FGD4: variants seen among roughly 807,000 people sequenced by gnomAD.
The protein encoded by FGD4 is FYVE, RhoGEF and PH domain-containing protein 4.
In FGD4, 42 loss-of-function variants were observed where a neutral mutation model predicts 102.0. The observed-to-expected ratio is 0.41, with a 90% confidence interval of 0.32 to 0.53. The LOEUF is 0.53. FGD4 is among the 20% of genes least tolerant of loss of function. The pLI, the probability that FGD4 is intolerant of heterozygous loss-of-function variation, is 0.21. For missense variants in FGD4, 902 were observed against 1,078.2 expected (o/e 0.84, Z 2.29); for synonymous variants, 380 against 375.7 (o/e 1.01, Z -0.13).
intron 1 of FGD4, among the ~76,000 whole-genome samples, chr12:32,529,557 A>C (rs1454020576): frequency 6.6e-6 from 1 of 151,554 alleles, no homozygotes; most frequent in African/African-American, 2.4e-5. Flanking sequence ...TAAAGCTGAC[A>C]TTGCCGGCCG....
intron 1 of FGD4, among the ~76,000 whole-genome samples, chr12:32,516,382 G>A (rs557817703): frequency 7.2e-5 from 11 of 152,126 alleles, no homozygotes; most frequent in South Asian, 6.2e-4. Context: ...AGGCCCAAGC[G>A]ATTCTCTTAT....
chr12:32,539,287 G>A (rs1410635805), intron 1 of FGD4, among the ~76,000 whole-genome samples: 1 of 151,476 alleles, frequency 6.6e-6, no homozygotes, highest in Non-Finnish European at 1.5e-5. Flanking sequence ...ACCAATACAC[G>A]GGCCAGGTGC....
intron 10 of FGD4, among the ~76,000 whole-genome samples, chr12:32,619,315 T>C (rs1297012209): frequency 6.6e-6 from 1 of 152,132 alleles, no homozygotes; most frequent in African/African-American, 2.4e-5. Flanking sequence ...AGAATTTTTG[T>C]CTAGGGCTAC....
At chr12:32,486,924 G>A (rs762394409) in intron 1 of FGD4, among the ~76,000 whole-genome samples, 3 of 152,044 alleles carry the variant, frequency 2.0e-5, no homozygotes, top group Non-Finnish European at 2.9e-5. Context: ...ATTTTGAGGT[G>A]TTTTTCCTCT....
chr12:32,530,937 T>C (rs146432945), intron 1 of FGD4, among the ~76,000 whole-genome samples: 25,870 of 122,550 alleles, frequency 0.21, 4,220 homozygotes, highest in Middle Eastern at 0.38. Flanking sequence ...GTTTCCTAGC[T>C]TTGGTTTTTT....
intron 1 of FGD4, among the ~76,000 whole-genome samples, chr12:32,480,328 ATT>A (rs1412936848): frequency 6.6e-5 from 10 of 150,826 alleles, no homozygotes; most frequent in African/African-American, 2.0e-4. Context: ...TGCCCAGCTA[ATT>A]TTTTTGTATT....
chr12:32,549,018 A>G (rs745769491), intron 1 of FGD4, among the ~76,000 whole-genome samples: 1 of 152,242 alleles, frequency 6.6e-6, no homozygotes, highest in Non-Finnish European at 1.5e-5. Flanking sequence ...AGCTTTTCCC[A>G]AAACATGTTC....
chr12:32,419,118 C>T (rs1941535473), intron 1 of FGD4, among the ~76,000 whole-genome samples: 1 of 152,130 alleles, frequency 6.6e-6, no homozygotes, highest in African/African-American at 2.4e-5. Context: ...CAGGGCAGGT[C>T]CAGAAATGCT....
intron 1 of FGD4, among the ~76,000 whole-genome samples, chr12:32,431,786 G>A (rs1190454126): frequency 6.7e-6 from 1 of 150,348 alleles, no homozygotes; most frequent in African/African-American, 2.4e-5. Flanking sequence ...AAAAAAAAAA[G>A]AAAATAATTC....
chr12:32,520,652 G>T (rs1297358813), intron 1 of FGD4, among the ~76,000 whole-genome samples: 1 of 151,992 alleles, frequency 6.6e-6, no homozygotes, highest in Non-Finnish European at 1.5e-5. Context: ...TAGCCAGGAT[G>T]GTCTCGATCT....
chr12:32,540,478 G>A (rs1942722553), intron 1 of FGD4, among the ~76,000 whole-genome samples: 1 of 152,138 alleles, frequency 6.6e-6, no homozygotes, highest in Non-Finnish European at 1.5e-5. Context: ...ATGAGAATGT[G>A]GCTAGAGTGT....
At chr12:32,485,963 C>T in intron 1 of FGD4, 2 of 1,317,542 alleles carry the variant, frequency 1.5e-6, no homozygotes, top group South Asian at 2.2e-5. Flanking sequence ...GAACTCTGTA[C>T]TTCCCATTAG....
chr12:32,625,705 A>T lies in FGD4; in HGVS notation c.2098A>T (p.Thr700Ser). ...AAGATGGATCCGAGATAATGAAGTG[A>T]CAATGTGTATGAAATGTAAAGAACC... Reference protein sequence around the residue: ...APRWIRDNEVTMCMKCKEPFN... With the variant: ...APRWIRDNEVSMCMKCKEPFN... Residue 700 changes from threonine (T) to serine (S), a missense_variant, in exon 14 of 17, where the codon ACA (threonine) becomes TCA (serine). Transcript: ENST00000534526. 1 of 1,614,140 alleles carries T rather than the reference A, an allele frequency of 6.2e-7. No homozygotes were observed. The highest frequency in any genetic ancestry group is 8.5e-7 in the Non-Finnish European group (1 of 1,180,016).
intron 1 of FGD4, among the ~76,000 whole-genome samples, chr12:32,512,531 G>C (rs1398047129): frequency 6.6e-6 from 1 of 152,034 alleles, no homozygotes; most frequent in African/African-American, 2.4e-5. Context: ...CATCACTTGG[G>C]ACTCACACGC....
chr12:32,439,021 CTAA>C (rs1942334546), intron 1 of FGD4, among the ~76,000 whole-genome samples: 1 of 152,168 alleles, frequency 6.6e-6, no homozygotes, highest in South Asian at 2.1e-4. Flanking sequence ...TTATAATTTA[CTAA>C]TAATTATTAT....
chr12:32,519,366 TG>T (rs2136723555), intron 1 of FGD4, among the ~76,000 whole-genome samples: 1 of 152,318 alleles, frequency 6.6e-6, no homozygotes, highest in South Asian at 2.1e-4. Context: ...AATGATTGTT[TG>T]GAAATGTTCC....
Position 32,633,639 on chromosome 12 carries a change from A to C in FGD4, c.2263A>C (p.Ile755Leu), listed in dbSNP as rs764635514. The part of the protein sequence containing the change: ...SKVCKDCYQI[I>L]SGFTDSEEKK... ...AGTTTGTAAAGACTGTTATCAAATC[A>C]TAAGTGGATTCACAGACAGTGAAGA... The change falls in exon 15 of 17, where the codon ATA becomes CTA. Residue 755 changes from isoleucine to leucine, a missense_variant. Physicochemically the swap from Ile to Leu is conservative, Grantham distance 5 (BLOSUM62 2). Transcript: ENST00000534526. 1 of 1,610,864 alleles carries C rather than the reference A, an allele frequency of 6.2e-7. No individual in the cohort carries two copies. The highest frequency in any genetic ancestry group is 1.7e-5 in the Admixed American group (1 of 60,016).
rs762995543 is a variant in FGD4 at position 32,600,409 on chromosome 12, G to C, written c.1102-869G>C. 6 of 1,282,330 alleles carry C rather than the reference G, an allele frequency of 4.7e-6. No individual in the cohort carries two copies. The South Asian group carries it at 7.4e-5, about 16-fold the overall frequency. 79.4% of individuals were successfully genotyped at this position (1,282,330 alleles called of 1,614,324 possible). On this transcript the variant is annotated intron_variant, in intron 5 of 16. Coordinates refer to ENST00000534526, the MANE Select transcript of FGD4 (RefSeq NM_001370298.3). ...ATTTTTTGTTCTTTTTGCCTCTCAA[G>C]AAAATAGAGTGGAGGTGAATTTAGA...
At chr12:32,578,657 G>C (rs10771964) in intron 3 of FGD4, among the ~76,000 whole-genome samples, 82,033 of 151,728 alleles carry the variant, frequency 0.54, 24,686 homozygotes, top group East Asian at 0.8. Context: ...TGGCAGAACC[G>C]TATCTCTACA....
Sources: allele counts gnomAD v4.1 joint callset (sites outside exome capture counted in the v4.1 genomes callset), GRCh38; gene constraint gnomAD v4.1.1; transcripts MANE v1.5; gene names NCBI Gene and HGNC (gene_info 2026-07-23, HGNC 2026-07-21).